Variants in SEMA3D observed in about 807,000 individuals in gnomAD.
SEMA3D encodes the protein semaphorin 3D.
A neutral mutation model predicts 100.1 loss-of-function variants in SEMA3D; 84 were observed. The ratio of observed to expected loss-of-function variants is 0.84; its 90% CI spans 0.70 to 1.01. The LOEUF is 1.01. Ranked by LOEUF, SEMA3D falls within the 50% of genes least tolerant of loss-of-function variation. The pLI, the probability that SEMA3D is intolerant of heterozygous loss-of-function variation, is 0.00. For missense variants in SEMA3D, 875 were observed against 934.1 expected, an observed-to-expected ratio of 0.94 and a Z score of 0.82; for synonymous variants, 312 against 320.7, an observed-to-expected ratio of 0.97 and a Z score of 0.29.
At chr7:85,053,347 T>C (rs943136896) in intron 9 of SEMA3D, among the ~76,000 whole-genome samples, 1 of 152,000 alleles carries the variant, frequency 6.6e-6, no homozygotes, top group Admixed American at 6.6e-5. Flanking sequence ...GTGCATTCTG[T>C]TATTACTTGT....
intron 9 of SEMA3D, among the ~76,000 whole-genome samples, chr7:85,052,741 G>C (rs1335113521): frequency 6.6e-6 from 1 of 151,754 alleles, no homozygotes; most frequent in African/African-American, 2.4e-5. Context: ...AAGGGACAGT[G>C]GTTGATTATC....
chr7:85,157,749 T>A, intron 1 of SEMA3D: 1 of 413,302 alleles, frequency 2.4e-6, no homozygotes, highest in Non-Finnish European at 3.3e-6. Context: ...CCAACAGTCT[T>A]CACGTTTTCA....
intron 1 of SEMA3D, among the ~76,000 whole-genome samples, chr7:85,153,961 C>A (rs576458071): frequency 1.3e-5 from 2 of 152,140 alleles, no homozygotes; most frequent in Admixed American, 1.3e-4. Flanking sequence ...ACATGACAGA[C>A]GGCAATCTGC....
rs913908006 is a variant in SEMA3D, at chr7:85,112,831, A to G, written c.151+8910T>C. Among the ~76,000 whole-genome samples, 8 of 152,322 alleles carry G rather than the reference A, an allele frequency of 5.3e-5. No homozygotes were observed. The South Asian group carries it at 6.2e-4, about 12-fold the overall frequency. On this transcript the variant is annotated intron_variant, in intron 3 of 18. Coordinates refer to ENST00000284136, the MANE Select transcript of SEMA3D (RefSeq NM_001384900.1). ...TATTCACCTGTTTGTTTGCTTCTTC[A>G]CTGTTTGTCTCCCTAACTGAAAAAT...
chr7:85,147,529 T>G (rs1169389869), intron 2 of SEMA3D, among the ~76,000 whole-genome samples: 1 of 152,152 alleles, frequency 6.6e-6, no homozygotes, highest in African/African-American at 2.4e-5. Context: ...AGCAACCTGG[T>G]TAAAAAGCAA....
intron 9 of SEMA3D, among the ~76,000 whole-genome samples, chr7:85,046,841 A>G (rs1169891404): frequency 6.6e-6 from 1 of 151,966 alleles, no homozygotes; most frequent in Non-Finnish European, 1.5e-5. Flanking sequence ...CTCCTTGCTT[A>G]TTTTTGTGAA....
At chr7:85,011,767 C>T (rs1194908650) in intron 17 of SEMA3D, among the ~76,000 whole-genome samples, 1 of 151,660 alleles carries the variant, frequency 6.6e-6, no homozygotes, top group Non-Finnish European at 1.5e-5. Flanking sequence ...TAATCTGGAC[C>T]AAGGCTTATT....
At chr7:85,227,582 T>C in the SEMA3D span, among the ~76,000 whole-genome samples, 3 of 152,158 alleles carry the variant, frequency 2.0e-5, no homozygotes, top group Admixed American at 6.6e-5. Context: ...ACCCAGTTAA[T>C]AGTATTTTGT....
intron 12 of SEMA3D, chr7:85,029,184 G>T (rs776586344): frequency 1.5e-6 from 1 of 676,306 alleles, no homozygotes; most frequent in Non-Finnish European, 2.8e-6. Context: ...GCTCACAGGC[G>T]TACCTCCTGC....
Position 84,999,315 on chromosome 7 carries a change from G to C in SEMA3D, c.*125C>G. Reference sequence around the variant, plus strand: ...TATTCATCACATATTGTCTTATTCAGATTATTGTCTTGTGCCTTAGCAAAA... The same window carrying C: ...TATTCATCACATATTGTCTTATTCACATTATTGTCTTGTGCCTTAGCAAAA... On this transcript the variant is annotated 3_prime_UTR_variant, in exon 19 of 19. Transcript: ENST00000284136. The C allele has an allele frequency of 2.7e-6, 2 of 754,096 alleles. No homozygotes were observed. The highest frequency in any genetic ancestry group is 4.2e-6 in the Non-Finnish European group (2 of 472,398). 46.7% of individuals were successfully genotyped at this position (754,096 alleles called of 1,614,324 possible). A position where few individuals can be genotyped will look rare whatever the true frequency, so the allele number is the denominator to read the frequency against.
the SEMA3D span, among the ~76,000 whole-genome samples, chr7:85,227,017 A>G: frequency 1.3e-5 from 2 of 152,210 alleles, no homozygotes; most frequent in African/African-American, 4.8e-5. Context: ...ATTGAATTGT[A>G]AAAGCAGTAA....
chr7:85,223,587 A>G, the SEMA3D span, among the ~76,000 whole-genome samples: 1 of 152,032 alleles, frequency 6.6e-6, no homozygotes, highest in Non-Finnish European at 1.5e-5. Flanking sequence ...ACTCAGCCAT[A>G]AAAAGGACAA....
chr7:85,155,413 AGTTT>A (rs1306713922), intron 1 of SEMA3D, among the ~76,000 whole-genome samples: 23 of 152,134 alleles, frequency 1.5e-4, no homozygotes, highest in African/African-American at 5.1e-4. Context: ...CTATCATCTT[AGTTT>A]TAATCTCCCT....
intron 1 of SEMA3D, among the ~76,000 whole-genome samples, chr7:85,177,044 T>C (rs992275953): frequency 1.3e-5 from 2 of 152,150 alleles, no homozygotes; most frequent in East Asian, 1.9e-4. Context: ...AGCAATAGGC[T>C]ATACCATCTA....
chr7:85,071,757 T>C (rs1446628918), intron 6 of SEMA3D, among the ~76,000 whole-genome samples: 2 of 152,192 alleles, frequency 1.3e-5, no homozygotes, highest in Non-Finnish European at 1.5e-5. Flanking sequence ...TCTAAATATA[T>C]GCAAACATAG....
chr7:85,206,646 A>C, the SEMA3D span, among the ~76,000 whole-genome samples: 3 of 152,062 alleles, frequency 2.0e-5, no homozygotes, highest in African/African-American at 7.2e-5. Context: ...TGGAGATCTA[A>C]AGATTAAAGA....
At chr7:85,186,115 C>A (rs1465889516) in intron 1 of SEMA3D, among the ~76,000 whole-genome samples, 1 of 152,204 alleles carries the variant, frequency 6.6e-6, no homozygotes, top group Admixed American at 6.5e-5. Flanking sequence ...ACAACAAAAA[C>A]CACCACGCTT....
intron 9 of SEMA3D, among the ~76,000 whole-genome samples, chr7:85,045,885 G>A (rs926647067): frequency 5.3e-5 from 8 of 151,814 alleles, no homozygotes; most frequent in African/African-American, 1.4e-4. Context: ...CAGCTTTCTA[G>A]TTGTGATAAG....
chr7:85,017,597 A>G lies in SEMA3D; in HGVS notation c.1545+655T>C, dbSNP rs567857179. Among the ~76,000 whole-genome samples, 19 of 151,930 alleles carry G rather than the reference A, an allele frequency of 1.3e-4. No individual in the cohort carries two copies. In the South Asian group the frequency reaches 3.9e-3, roughly 32 times the overall value. On this transcript the variant is annotated intron_variant, in intron 15 of 18. Transcript: ENST00000284136. ...TGGCTTTCTTATATCTTGGGGGTGC[A>G]AATAGAAATAATAGTGCAGTTTGAA... is the stretch of plus-strand genomic sequence containing the variant.
Sources: allele counts gnomAD v4.1 joint callset (sites outside exome capture counted in the v4.1 genomes callset), GRCh38; gene constraint gnomAD v4.1.1; transcripts MANE v1.5; gene names NCBI Gene and HGNC (gene_info 2026-07-23, HGNC 2026-07-21).